Variants in CC2D2A observed in about 807,000 individuals in gnomAD.
CC2D2A encodes the protein coiled-coil and C2 domain-containing protein 2A.
A neutral mutation model predicts 212.9 loss-of-function variants in CC2D2A; 155 were observed. That is an observed-to-expected ratio of 0.73 (90% confidence interval 0.64 to 0.83). CC2D2A has a LOEUF of 0.83. CC2D2A is among the 40% of genes least tolerant of loss of function. The pLI is 0.00. For missense variants in CC2D2A, 1,856 were observed against 1,956.2 expected (o/e 0.95, Z 0.97); for synonymous variants, 667 against 686.5 (o/e 0.97, Z 0.44).
At chr4:15,477,674 A>G (rs1407581902) in intron 2 of CC2D2A, among the ~76,000 whole-genome samples, 1 of 152,168 alleles carries the variant, frequency 6.6e-6, no homozygotes, top group Non-Finnish European at 1.5e-5. Context: ...AGTCAGGCCC[A>G]AAGAAGGAGT....
chr4:15,521,931 G>GCT (rs1560163742), intron 11 of CC2D2A, among the ~76,000 whole-genome samples: 1 of 152,184 alleles, frequency 6.6e-6, no homozygotes, highest in Admixed American at 6.5e-5. Context: ...AGGAGCAGGG[G>GCT]CTCACACCTG....
intron 4 of CC2D2A, among the ~76,000 whole-genome samples, chr4:15,492,292 A>C (rs895818273): frequency 1.6e-4 from 24 of 151,582 alleles, no homozygotes; most frequent in African/African-American, 5.8e-4. Context: ...CACTCTCTCT[A>C]CTCTTACCAC....
At chr4:15,479,259 C>T (rs1714457229) in intron 3 of CC2D2A, 1 of 1,537,226 alleles carries the variant, frequency 6.5e-7, no homozygotes, top group Non-Finnish European at 8.7e-7. Flanking sequence ...CTGGCAGATC[C>T]TCCCCCACCT....
chr4:15,523,319 A>C (rs1717319469), intron 11 of CC2D2A, among the ~76,000 whole-genome samples: 1 of 152,094 alleles, frequency 6.6e-6, no homozygotes, highest in Non-Finnish European at 1.5e-5. Flanking sequence ...CCATAGAGAG[A>C]CTTTGTGCCT....
intron 27 of CC2D2A, 148 bp from the exon 28 acceptor site, chr4:15,570,250 A>G (rs1720094984): frequency 2.0e-6 from 1 of 490,956 alleles, no homozygotes; most frequent in African/African-American, 1.9e-5. Context: ...CCACAAAGCC[A>G]TTATGTATCT....
At chr4:15,594,262 C>G (rs770926830) in intron 33 of CC2D2A, among the ~76,000 whole-genome samples, 1 of 152,120 alleles carries the variant, frequency 6.6e-6, no homozygotes, top group Non-Finnish European at 1.5e-5. Flanking sequence ...TTAGAACTTC[C>G]CTGCCTGCCT....
At chr4:15,545,330 A>ACTCAGC (rs1718655684) in intron 17 of CC2D2A, among the ~76,000 whole-genome samples, 1 of 152,190 alleles carries the variant, frequency 6.6e-6, no homozygotes, top group African/African-American at 2.4e-5. Flanking sequence ...TCAATTGATA[A>ACTCAGC]CTCAGCAACC....
chr4:15,470,497 A>G (rs1364746151), intron 1 of CC2D2A, among the ~76,000 whole-genome samples: 1 of 152,190 alleles, frequency 6.6e-6, no homozygotes, highest in East Asian at 1.9e-4. Context: ...AAAGACTTCA[A>G]GAAAATGTAC....
rs578200906 is a variant in CC2D2A, at chr4:15,562,258, A to G, written c.3015-1097A>G. On this transcript the variant is annotated intron_variant, in intron 23 of 36. Transcript: ENST00000424120. ...GGTCACTTAGCCAGCTCTGATCCTC[A>G]GGAAGGAAGCAGAGAACCATGTGCA... Among the ~76,000 whole-genome samples, 19 of 152,372 alleles carry G rather than the reference A, an allele frequency of 1.2e-4. No homozygotes were observed. In the South Asian group the frequency reaches 3.7e-3, roughly 30 times the overall value.
chr4:15,478,884 T>A (rs1714422007), intron 3 of CC2D2A, 78 bp downstream of exon 3: 1 of 1,198,346 alleles, frequency 8.3e-7, no homozygotes, highest in Non-Finnish European at 1.2e-6. Context: ...CCATACAGAA[T>A]CCACAAGGGC....
At chr4:15,535,492 C>A (rs1718079393) in intron 14 of CC2D2A, among the ~76,000 whole-genome samples, 1 of 151,946 alleles carries the variant, frequency 6.6e-6, no homozygotes, top group South Asian at 2.1e-4. Flanking sequence ...ATTCTTGATT[C>A]ATCTAGCCAC....
At chr4:15,515,773 A>G in intron 9 of CC2D2A, 95 bp from the exon 10 acceptor site, 5 of 1,257,926 alleles carry the variant, frequency 4.0e-6, no homozygotes, top group Non-Finnish European at 5.4e-6. Context: ...TTCTAAGAAC[A>G]TAAATGAAAT....
At chr4:15,591,373 C>T (rs1721100791) in intron 33 of CC2D2A, among the ~76,000 whole-genome samples, 2 of 152,072 alleles carry the variant, frequency 1.3e-5, no homozygotes, top group Admixed American at 6.5e-5. Context: ...GCATGCACCA[C>T]CACACCCAGC....
chr4:15,495,788 A>G (rs370877750), intron 4 of CC2D2A, among the ~76,000 whole-genome samples: 45 of 152,192 alleles, frequency 3.0e-4, no homozygotes, highest in East Asian at 1.9e-3. Context: ...TTCTATTTTA[A>G]GTTCTTTGGG....
chr4:15,514,988 A>T, intron 9 of CC2D2A, 119 bp downstream of exon 9: 3 of 838,656 alleles, frequency 3.6e-6, no homozygotes, highest in Non-Finnish European at 5.4e-6. Context: ...CTAATCTAAC[A>T]ATCAAGAAAT....
intron 33 of CC2D2A, 71 bp from the exon 34 acceptor site, chr4:15,596,014 A>C (rs1403496797): frequency 1.7e-5 from 19 of 1,095,490 alleles, no homozygotes; most frequent in Non-Finnish European, 1.9e-5. Context: ...TGCCACACAT[A>C]CATCCATGCA....
intron 2 of CC2D2A, among the ~76,000 whole-genome samples, chr4:15,476,427 A>G (rs1714218077): frequency 6.6e-6 from 1 of 152,258 alleles, no homozygotes; most frequent in African/African-American, 2.4e-5. Context: ...GTAAGAACTC[A>G]AAGTACAGAG....
Position 15,567,434 on chromosome 4 carries a change from C to A in CC2D2A, c.3240C>A (p.Ser1080=), listed in dbSNP as rs1478619275. The change falls in exon 25 of 37, where the codon TCC becomes TCA. Residue 1080 remains serine (S), a synonymous_variant. Coordinates refer to ENST00000424120, the MANE Select transcript of CC2D2A (RefSeq NM_001378615.1). ...TGTTCAGTGAAAAGCATGCTGCTTCCCCAAGCACGTACAGCCCAACCCACA... is the reference window on the plus strand; with the variant it reads ...TGTTCAGTGAAAAGCATGCTGCTTCACCAAGCACGTACAGCCCAACCCACA... ...SRMFSEKHAA[S]PSTYSPTHNA... 6.2e-7 allele frequency: 1 copy of A among 1,613,528 alleles called. No homozygotes were observed. Among genetic ancestry groups the A allele is most frequent in the Non-Finnish European group, 8.5e-7 (1 of 1,179,686 alleles).
intron 29 of CC2D2A, among the ~76,000 whole-genome samples, chr4:15,577,462 T>C (rs1720464407): frequency 6.6e-6 from 1 of 152,178 alleles, no homozygotes. Flanking sequence ...CCCAAATTCT[T>C]TCAGTATTTA....
Sources: gnomAD v4.1 joint callset for allele counts (sites outside exome capture counted in the v4.1 genomes callset) on GRCh38, gnomAD v4.1.1 for gene constraint, MANE v1.5 for transcripts, NCBI Gene and HGNC (gene_info 2026-07-23, HGNC 2026-07-21) for gene names.